The following LDLRAD4 variants were observed in gnomAD, a reference collection of about 807,000 sequenced individuals.
LDLRAD4 encodes the protein low density lipoprotein receptor class A domain containing 4, also known as low-density lipoprotein receptor class A domain-containing protein 4.
In LDLRAD4, 5 loss-of-function variants were observed where a neutral mutation model predicts 17.0. That is an observed-to-expected ratio of 0.29 (90% confidence interval 0.15 to 0.62). The LOEUF is 0.62. Ranked by LOEUF, LDLRAD4 falls within the 20% of genes least tolerant of loss-of-function variation. LDLRAD4 has a pLI of 0.84. For missense variants in LDLRAD4, 340 were observed against 424.7 expected (o/e 0.80, Z 1.75); for synonymous variants, 168 against 171.8 (o/e 0.98, Z 0.17).
In LDLRAD4 at chr18:13,396,444, A is replaced by G. The variant is rs550706790; in HGVS notation, c.40+8682A>G. On this transcript the variant is annotated intron_variant, in intron 2 of 5. Coordinates refer to ENST00000359446, the Ensembl canonical transcript of LDLRAD4. Reference sequence around the variant, plus strand: ...ACTTATGATACCACATACAATATAAATGTTGTGTAAATAGTTGTTATACTA... The same window carrying G: ...ACTTATGATACCACATACAATATAAGTGTTGTGTAAATAGTTGTTATACTA... Among the ~76,000 whole-genome samples, 3 of 152,338 alleles carry G rather than the reference A, an allele frequency of 2.0e-5. No individual in the cohort carries two copies. In the East Asian group the frequency reaches 5.8e-4, roughly 29 times the overall value.
chr18:13,319,365 C>T (rs2081102114), intron 1 of LDLRAD4, among the ~76,000 whole-genome samples: 3 of 152,084 alleles, frequency 2.0e-5, no homozygotes. Flanking sequence ...AGCCAGCTCG[C>T]TCCTGAGTTT....
chr18:13,492,465 C>T (rs2093379286), intron 3 of LDLRAD4, among the ~76,000 whole-genome samples: 1 of 152,204 alleles, frequency 6.6e-6, no homozygotes, highest in South Asian at 2.1e-4. Context: ...TCTGCCTGCT[C>T]CTGTGCGTTC....
At chr18:13,299,944 T>G (rs915971423) in intron 1 of LDLRAD4, among the ~76,000 whole-genome samples, 2 of 152,320 alleles carry the variant, frequency 1.3e-5, no homozygotes, top group South Asian at 4.1e-4. Flanking sequence ...AGGGTCCTCA[T>G]GTCTGGAGGA....
chr18:13,412,964 C>G (rs2088518850), intron 2 of LDLRAD4, among the ~76,000 whole-genome samples: 1 of 152,196 alleles, frequency 6.6e-6, no homozygotes, highest in Non-Finnish European at 1.5e-5. Context: ...GCTTCCTTCT[C>G]CTGGTACGTA....
At chr18:13,413,570 A>G (rs548409255) in intron 2 of LDLRAD4, among the ~76,000 whole-genome samples, 3 of 152,326 alleles carry the variant, frequency 2.0e-5, no homozygotes, top group African/African-American at 7.2e-5. Flanking sequence ...GCCTGGTAGA[A>G]TGTGATTTGG....
At chr18:13,467,319 A>G (rs562960221) in intron 3 of LDLRAD4, among the ~76,000 whole-genome samples, 32 of 152,272 alleles carry the variant, frequency 2.1e-4, no homozygotes, top group Non-Finnish European at 4.0e-4. Flanking sequence ...CAACATCAAC[A>G]TGCAAAAATC....
intron 2 of LDLRAD4, among the ~76,000 whole-genome samples, chr18:13,392,553 G>A (rs749007459): frequency 2.0e-5 from 3 of 152,148 alleles, no homozygotes; most frequent in Non-Finnish European, 2.9e-5. Context: ...CCCAGGTGCC[G>A]TCATAGTGGT....
rs576740790 is a variant in LDLRAD4, at chr18:13,359,198, G to A, written c.-382-28143G>A. The stretch of plus-strand genomic sequence containing the variant: ...ATTGACACACTATAGGTGGCTCTGA[G>A]GCAGGGACTCCAGGGAGCCAAGAAT... On this transcript the variant is annotated intron_variant, in intron 1 of 5. Transcript: ENST00000359446. 7.2e-5 allele frequency among the ~76,000 whole-genome samples: 11 copies of A among 152,336 alleles called. No individual in the cohort carries two copies. The East Asian group carries it at 1.9e-3, about 27-fold the overall frequency.
intron 3 of LDLRAD4, among the ~76,000 whole-genome samples, chr18:13,566,691 G>T (rs942399616): frequency 4.6e-5 from 7 of 152,118 alleles, no homozygotes; most frequent in Admixed American, 3.3e-4. Context: ...ATGACAGCAG[G>T]TGTCTCTTGG....
chr18:13,416,453 C>T (rs1281871971), intron 2 of LDLRAD4, among the ~76,000 whole-genome samples: 1 of 152,176 alleles, frequency 6.6e-6, no homozygotes, highest in Non-Finnish European at 1.5e-5. Context: ...ATGGGTTCGT[C>T]ATCTCTCTGG....
intron 4 of LDLRAD4, among the ~76,000 whole-genome samples, chr18:13,631,323 A>T (rs531992484): frequency 2.6e-5 from 4 of 152,368 alleles, no homozygotes; most frequent in African/African-American, 9.6e-5. Context: ...AAGAAATAGA[A>T]AATCTTAATA....
rs989944979 is a variant in LDLRAD4, at chr18:13,625,340, C to T, written c.336+4069C>T. Among the ~76,000 whole-genome samples, 24 of 152,148 alleles carry T rather than the reference C, an allele frequency of 1.6e-4. 1 individual carries two copies. The highest frequency in any genetic ancestry group is 5.3e-4 in the African/African-American group (22 of 41,432). ...CTGGAGAGTGGAGGTGGAAACATAG[C>T]TTGGGGCAATAGGATGGGAGTGAGT... On this transcript the variant is annotated intron_variant, in intron 4 of 5. Transcript: ENST00000359446.
chr18:13,642,856 G>C (rs2042702004), intron 4 of LDLRAD4: 1 of 595,698 alleles, frequency 1.7e-6, no homozygotes, highest in African/African-American at 1.9e-5. Context: ...GTAGACAAGA[G>C]GTCTGAAAAG....
rs139947937 is a variant in LDLRAD4 at position 13,329,266 on chromosome 18, A to G, written c.-383+51078A>G. 4.6e-5 allele frequency among the ~76,000 whole-genome samples: 7 copies of G among 152,320 alleles called. No individual in the cohort carries two copies. In the East Asian group the frequency reaches 1.3e-3, roughly 29 times the overall value. On this transcript the variant is annotated intron_variant, in intron 1 of 5. Transcript: ENST00000359446. The stretch of plus-strand genomic sequence containing the variant: ...CTTTAGGCTTGCACCAGTTCACACA[A>G]TCATCAGCAACATACTAGAGGCCTG...
intron 3 of LDLRAD4, among the ~76,000 whole-genome samples, chr18:13,446,451 T>G (rs1014850954): frequency 1.4e-4 from 21 of 152,336 alleles, no homozygotes; most frequent in African/African-American, 4.6e-4. Context: ...AATTGATACA[T>G]AGTTGACGAT....
chr18:13,629,815 T>C (rs2041503545), intron 4 of LDLRAD4, among the ~76,000 whole-genome samples: 1 of 151,900 alleles, frequency 6.6e-6, no homozygotes, highest in South Asian at 2.1e-4. Flanking sequence ...ATTATCTTAA[T>C]GATCATAACT....
chr18:13,347,365 A>C lies in LDLRAD4; in HGVS notation c.-382-39976A>C, dbSNP rs2144266845. 2.6e-5 allele frequency among the ~76,000 whole-genome samples: 4 copies of C among 152,332 alleles called. No individual in the cohort carries two copies. The Middle Eastern group carries it at 0.014, about 518-fold the overall frequency. ...TGGCTGGATATGAAATTCTGGGTTGAAAATTCTTTTCTTTAAGAATGTTGA... is the reference window on the plus strand; with the variant it reads ...TGGCTGGATATGAAATTCTGGGTTGCAAATTCTTTTCTTTAAGAATGTTGA... On this transcript the variant is annotated intron_variant, in intron 1 of 5. Coordinates refer to ENST00000359446, the Ensembl canonical transcript of LDLRAD4.
intron 2 of LDLRAD4, among the ~76,000 whole-genome samples, chr18:13,410,765 T>C (rs761141194): frequency 6.2e-4 from 95 of 152,310 alleles, no homozygotes; most frequent in Middle Eastern, 3.4e-3. Flanking sequence ...ACTGATTATT[T>C]CTTGGGAAAC....
chr18:13,232,255 C>T lies in LDLRAD4; in HGVS notation c.-467+13267C>T, dbSNP rs79236495. On this transcript the variant is annotated intron_variant, in intron 1 of 5. Transcript: ENST00000399848. ...TTAGGAGTATGTCCCAGGTCCTGAG[C>T]AGTGCAGAGACTTGGCCTGGTGCCA... 5.3e-4 allele frequency among the ~76,000 whole-genome samples: 80 copies of T among 152,330 alleles called. 1 individual carries two copies. In the East Asian group the frequency reaches 0.014, roughly 26 times the overall value.
Sources: gnomAD v4.1 joint callset for allele counts (sites outside exome capture counted in the v4.1 genomes callset) on GRCh38, gnomAD v4.1.1 for gene constraint, MANE v1.5 for transcripts, NCBI Gene and HGNC (gene_info 2026-07-23, HGNC 2026-07-21) for gene names.